Variants in TAB2 observed in about 807,000 individuals in gnomAD.
TAB2 encodes the protein TGF-beta-activated kinase 1 and MAP3K7-binding protein 2.
Under a neutral mutation model 65.0 loss-of-function variants are expected in TAB2, and 3 were observed. The ratio of observed to expected loss-of-function variants is 0.05; its 90% CI spans 0.02 to 0.12. The LOEUF is 0.12. TAB2 is among the 10% of genes least tolerant of loss of function. The pLI, the probability that TAB2 is intolerant of heterozygous loss-of-function variation, is 1.00. For synonymous variants in TAB2, 298 were observed against 285.1 expected, an observed-to-expected ratio of 1.05 and a Z score of -0.46; for missense variants, 623 against 840.3, an observed-to-expected ratio of 0.74 and a Z score of 3.20.
rs1781461544 is a variant in TAB2 at position 149,378,009 on chromosome 6, T to C, written c.103-9T>C. 1 of 1,611,218 alleles carries C rather than the reference T, an allele frequency of 6.2e-7. No homozygotes were observed. On this transcript the variant is annotated splice_polypyrimidine_tract_variant and intron_variant, in intron 2 of 6. Transcript: ENST00000637181. ...TGTTAACATCAATCAATTTATTTTGTTTTCATAGAATAATAATAACCTGGA... is the reference window on the plus strand; with the variant it reads ...TGTTAACATCAATCAATTTATTTTGCTTTCATAGAATAATAATAACCTGGA...
intron 1 of TAB2, among the ~76,000 whole-genome samples, chr6:149,328,744 T>C (rs480670): frequency 0.87 from 132,557 of 152,120 alleles, 57,829 homozygotes; most frequent in Middle Eastern, 0.97. Context: ...TGTGATATAC[T>C]GTGACAAATG....
chr6:149,392,460 G>A (rs1039292149), intron 3 of TAB2, among the ~76,000 whole-genome samples: 5 of 152,240 alleles, frequency 3.3e-5, no homozygotes, highest in African/African-American at 1.2e-4. Flanking sequence ...TTAGGATGGA[G>A]AGAAGTTGAC....
chr6:149,400,777 T>G, intron 6 of TAB2: 1 of 1,290,220 alleles, frequency 7.8e-7, no homozygotes, highest in Non-Finnish European at 1.1e-6. Context: ...CACCACATTC[T>G]GACTACTACA....
chr6:149,286,556 T>G (rs1439635178), intron 1 of TAB2, among the ~76,000 whole-genome samples: 1 of 152,194 alleles, frequency 6.6e-6, no homozygotes, highest in African/African-American at 2.4e-5. Context: ...CCTAAAAGCT[T>G]TCAGATGCTT....
intron 6 of TAB2, among the ~76,000 whole-genome samples, chr6:149,403,283 T>TATATATATAC (rs1554265413): frequency 4.1e-5 from 1 of 24,580 alleles, no homozygotes; most frequent in Non-Finnish European, 7.3e-5. Flanking sequence ...TATATATATA[T>TATATATATAC]ACACACACAC....
chr6:149,243,124 C>T (rs1241836248), intron 1 of TAB2, among the ~76,000 whole-genome samples: 1 of 152,200 alleles, frequency 6.6e-6, no homozygotes, highest in Non-Finnish European at 1.5e-5. Flanking sequence ...GGTTCATTCC[C>T]TTCTCTCCGA....
chr6:149,304,526 A>C (rs187166632), intron 1 of TAB2: 178 of 152,504 alleles, frequency 1.2e-3, no homozygotes, highest in Middle Eastern at 6.8e-3. Flanking sequence ...GTCCGGGCTC[A>C]CCAGACGAAG....
At chr6:149,255,617 AT>A (rs1479413845) in intron 1 of TAB2, among the ~76,000 whole-genome samples, 2 of 152,240 alleles carry the variant, frequency 1.3e-5, no homozygotes, top group African/African-American at 4.8e-5. Flanking sequence ...AACAAAAGAA[AT>A]TATGCTAGTG....
chr6:149,297,291 C>A lies in TAB2; in HGVS notation c.-121+78515C>A, dbSNP rs115079478. 8.1e-3 allele frequency among the ~76,000 whole-genome samples: 1,232 copies of A among 152,270 alleles called. 30 individuals carry two copies. The highest frequency in any genetic ancestry group is 0.027 in the African/African-American group (1,137 of 41,544). On this transcript the variant is annotated intron_variant, in intron 1 of 1. Transcript: ENST00000606202. Reference sequence around the variant, plus strand: ...TATAATGCCATTATCAATATAGAATCAATTTTAAATTCAGGATCCAATCAA... The same window carrying A: ...TATAATGCCATTATCAATATAGAATAAATTTTAAATTCAGGATCCAATCAA...
intron 1 of TAB2, among the ~76,000 whole-genome samples, chr6:149,274,324 C>A (rs1347862471): frequency 6.6e-6 from 1 of 152,226 alleles, no homozygotes; most frequent in South Asian, 2.1e-4. Context: ...GAGTCACAGA[C>A]TCTACAACCA....
intron 3 of TAB2, among the ~76,000 whole-genome samples, chr6:149,387,703 A>G (rs1781849849): frequency 6.6e-6 from 1 of 152,214 alleles, no homozygotes; most frequent in African/African-American, 2.4e-5. Flanking sequence ...TTTTTAAAAA[A>G]CTGAAAACAG....
At chr6:149,327,334 A>C (rs1399491581) in intron 1 of TAB2, among the ~76,000 whole-genome samples, 1 of 152,126 alleles carries the variant, frequency 6.6e-6, no homozygotes, top group Non-Finnish European at 1.5e-5. Context: ...TTATTGATTT[A>C]TTATTTATTT....
intron 6 of TAB2, chr6:149,400,509 C>G (rs1368688819): frequency 1.2e-6 from 2 of 1,614,214 alleles, no homozygotes; most frequent in Non-Finnish European, 1.7e-6. Flanking sequence ...GCAGACACCA[C>G]TTAGTAAACT....
In TAB2 at chr6:149,258,754, C is replaced by G. The variant is rs540197966; in HGVS notation, c.-121+39978C>G. On this transcript the variant is annotated intron_variant, in intron 1 of 1. Coordinates refer to the TAB2 transcript ENST00000606202. ...TCCCTTCCCAAAAGACATTCACATC[C>G]TAATCACCAGAACGTGTGAATACAT... 5.3e-5 allele frequency among the ~76,000 whole-genome samples: 8 copies of G among 152,290 alleles called. No individual in the cohort carries two copies. In the East Asian group the frequency reaches 1.5e-3, roughly 29 times the overall value.
intron 3 of TAB2, among the ~76,000 whole-genome samples, chr6:149,392,248 C>T (rs554653037): frequency 1.8e-4 from 28 of 152,212 alleles, no homozygotes; most frequent in Middle Eastern, 6.8e-3. Context: ...TCAAACAGTT[C>T]TCCTGCCTCA....
At chr6:149,373,624 C>G (rs1781303340) in intron 2 of TAB2, among the ~76,000 whole-genome samples, 1 of 152,176 alleles carries the variant, frequency 6.6e-6, no homozygotes, top group African/African-American at 2.4e-5. Context: ...TCTGTAATTT[C>G]TGTGTCTGTG....
At chr6:149,259,233 A>T (rs1457499766) in intron 1 of TAB2, among the ~76,000 whole-genome samples, 1 of 152,150 alleles carries the variant, frequency 6.6e-6, no homozygotes, top group Non-Finnish European at 1.5e-5. Flanking sequence ...AAAACAAAGC[A>T]AGAAAAATAT....
chr6:149,233,745 T>C (rs1181046399), intron 1 of TAB2, among the ~76,000 whole-genome samples: 2 of 152,236 alleles, frequency 1.3e-5, no homozygotes, highest in East Asian at 3.8e-4. Flanking sequence ...CCTTAATCTA[T>C]TCAATTGGTG....
At chr6:149,311,649 G>A (rs511924) in intron 1 of TAB2, among the ~76,000 whole-genome samples, 91,086 of 99,820 alleles carry the variant, frequency 0.91, 42,177 homozygotes, top group African/African-American at 0.96. Flanking sequence ...TGGTACCACT[G>A]TCAATGCTAG....
Sources: allele counts gnomAD v4.1 joint callset (sites outside exome capture counted in the v4.1 genomes callset), GRCh38; gene constraint gnomAD v4.1.1; transcripts MANE v1.5; gene names NCBI Gene and HGNC (gene_info 2026-07-23, HGNC 2026-07-21).